Variants in EPHA8 observed in about 807,000 individuals in gnomAD.
EPHA8 encodes the protein ephrin type-A receptor 8.
EPHA8 carries 58 observed loss-of-function variants against 103.6 expected under a neutral mutation model. The observed-to-expected ratio is 0.56, with a 90% CI of 0.45 to 0.70. EPHA8 has a LOEUF of 0.70. Ranked by LOEUF, EPHA8 falls within the 30% of genes least tolerant of loss-of-function variation. The probability of loss-of-function intolerance (pLI) is 0.00; values close to 1 mark genes in which losing one functional copy is unlikely to be tolerated. For missense variants in EPHA8, 1,304 were observed against 1,395.2 expected (o/e 0.93, Z 1.04); for synonymous variants, 559 against 572.5 (o/e 0.98, Z 0.34).
In EPHA8 at chr1:22,600,213, GT is replaced by G. The variant is rs1288117589; in HGVS notation, c.2389-447del. The stretch of plus-strand genomic sequence containing the variant: ...GGAAGGAAAGGAGGGAGGGAGGAAG[GT>G]GGGAGGGAAAGAAGAAAGGAGGGAA... On this transcript the variant is annotated intron_variant, in intron 13 of 16. Coordinates refer to ENST00000166244, the MANE Select transcript of EPHA8 (RefSeq NM_020526.5). Among the ~76,000 whole-genome samples the G allele has an allele frequency of 7.4e-4, 100 of 134,464 alleles. 2 individuals carry two copies. Among genetic ancestry groups the G allele is most frequent in the Non-Finnish European group, 1.3e-3 (83 of 61,878 alleles). The allele number at this position is 134,464 out of a possible 152,430, so 88.2% of individuals were successfully genotyped here.
In EPHA8 at chr1:22,589,109, G is replaced by A; in HGVS notation, c.1218G>A (p.Met406Ile). ...TGGTGGCCAACCTGCTGGCCCACAT[G>A]AACTACTCCTTCTGGATCGAGGCCG... ...SLLVANLLAH[M>I]NYSFWIEAVN... The change falls in exon 5 of 17, where the codon ATG becomes ATA. Residue 406 changes from methionine to isoleucine, a missense_variant. By Grantham distance (10) the Met-to-Ile change is conservative. Transcript: ENST00000166244. This position sits in a 1 kb window ranked among gnomAD's most constrained non-coding sequence, Gnocchi z 4.3. The A allele has an allele frequency of 1.2e-6, 2 of 1,613,792 alleles. No homozygotes were observed. Among genetic ancestry groups the A allele is most frequent in the African/African-American group, 1.3e-5 (1 of 75,070 alleles).
rs1341758854 is a variant in EPHA8, at chr1:22,576,057, G to A, written c.160-160G>A. On this transcript the variant is annotated intron_variant, in intron 2 of 16. Transcript: ENST00000166244. The surrounding 1 kb of genome is among the most constrained non-coding windows in gnomAD (Gnocchi z 4.8). ...TCCCCTGAAGATCGTGGCCCTCTTC[G>A]AGATCATGTCTGCAGGGGGCCTGGC... 6.6e-6 allele frequency among the ~76,000 whole-genome samples: 1 copy of A among 151,440 alleles called. No individual in the cohort carries two copies.
chr1:22,586,641 T>G lies in EPHA8; in HGVS notation c.979+6T>G. 1.2e-6 allele frequency: 2 copies of G among 1,613,372 alleles called. No homozygotes were observed. Among genetic ancestry groups the G allele is most frequent in the Non-Finnish European group, 1.7e-6 (2 of 1,179,602 alleles). On this transcript the variant is annotated splice_donor_region_variant and intron_variant, in intron 4 of 16. Transcript: ENST00000166244. ...GCCGTCCTCAGCCTGCACCCGTGAGTACCACTCCGAGATGCCAGTACCCTT... is the reference window on the plus strand; with the variant it reads ...GCCGTCCTCAGCCTGCACCCGTGAGGACCACTCCGAGATGCCAGTACCCTT...
chr1:22,597,238 TCC>T lies in EPHA8; in HGVS notation c.1766-72_1766-71del. The T allele has an allele frequency of 2.6e-6, 3 of 1,155,902 alleles. No individual in the cohort carries two copies. Among genetic ancestry groups the T allele is most frequent in the Non-Finnish European group, 3.7e-6 (3 of 816,050 alleles). 71.6% of individuals were successfully genotyped at this position (1,155,902 alleles called of 1,614,324 possible). On this transcript the variant is annotated intron_variant, in intron 9 of 16. Coordinates refer to ENST00000166244, the MANE Select transcript of EPHA8 (RefSeq NM_020526.5). The surrounding 1 kb of genome is among the most constrained non-coding windows in gnomAD (Gnocchi z 4.6). ...CACCCCTCACCCCACCCCAGACCCATCCCAGGCCCAGGGAATGTCAGGAAAAA... is the reference window on the plus strand; with the variant it reads ...CACCCCTCACCCCACCCCAGACCCATCAGGCCCAGGGAATGTCAGGAAAAA...
In EPHA8 at chr1:22,598,829, C is replaced by T. The variant is rs751271695; in HGVS notation, c.2179-9C>T. Reference sequence around the variant, plus strand: ...GCTTTCCTGAAGTCCAAGCCATGTCCCCCTGCAGACCCACGACGGGCAGTT... The same window carrying T: ...GCTTTCCTGAAGTCCAAGCCATGTCTCCCTGCAGACCCACGACGGGCAGTT... On this transcript the variant is annotated splice_polypyrimidine_tract_variant and intron_variant, in intron 12 of 16. Coordinates refer to ENST00000166244, the MANE Select transcript of EPHA8 (RefSeq NM_020526.5). The surrounding 1 kb of genome is among the most constrained non-coding windows in gnomAD (Gnocchi z 5.1). The T allele has an allele frequency of 6.8e-6, 11 of 1,611,486 alleles. No individual in the cohort carries two copies. Among genetic ancestry groups the T allele is most frequent in the East Asian group, 2.2e-5 (1 of 44,774 alleles).
Position 22,596,115 on chromosome 1 carries a change from C to T in EPHA8, c.1707C>T (p.Gly569=). ...GTGCCCTCCTCTGCAGGCACTGTGG[C>T]TACAGCAAGGCCTTCCAGGACTCGG... ...LLLICKKRHC[G]YSKAFQDSDE... is the part of the protein sequence containing the mutation. Residue 569 remains glycine (G), a synonymous_variant, in exon 9 of 17, where the codon GGC becomes GGT. Coordinates refer to ENST00000166244, the MANE Select transcript of EPHA8 (RefSeq NM_020526.5). The T allele has an allele frequency of 6.2e-7, 1 of 1,613,912 alleles. No individual in the cohort carries two copies. The highest frequency in any genetic ancestry group is 8.5e-7 in the Non-Finnish European group (1 of 1,179,974).
rs111673441 is a variant in EPHA8, at chr1:22,580,129, T to C, written c.823+3249T>C. ...GCTCTCTGGTTTTCTTTCTTTCTCT[T>C]TTTTTTTTTTTTTTTTTTTTTTTTT... is the stretch of plus-strand genomic sequence containing the variant. On this transcript the variant is annotated intron_variant, in intron 3 of 16. Coordinates refer to ENST00000166244, the MANE Select transcript of EPHA8 (RefSeq NM_020526.5). Among the ~76,000 whole-genome samples, 103 of 23,474 alleles carry C rather than the reference T, an allele frequency of 4.4e-3. 2 individuals are homozygous for C. The highest frequency in any genetic ancestry group is 0.017 in the African/African-American group (89 of 5,098). 15.4% of individuals were successfully genotyped at this position (23,474 alleles called of 152,430 possible).
chr1:22,583,485 C>G (rs772343828), intron 3 of EPHA8, among the ~76,000 whole-genome samples: 6 of 152,174 alleles, frequency 3.9e-5, no homozygotes, highest in Non-Finnish European at 8.8e-5. Flanking sequence ...GAGGCTCCCC[C>G]GCCTGACTGC....
intron 2 of EPHA8, among the ~76,000 whole-genome samples, chr1:22,571,775 C>T (rs533300105): frequency 6.6e-6 from 1 of 152,292 alleles, no homozygotes; most frequent in East Asian, 1.9e-4. Flanking sequence ...GGGAGCCAGG[C>T]ATGGTGGCTC....
chr1:22,601,515 AG>A (rs113696995), intron 16 of EPHA8, 42 bp downstream of exon 16: 24,469 of 846,582 alleles, frequency 0.029, 37 homozygotes, highest in Admixed American at 0.031. Flanking sequence ...GTGTGGGGGC[AG>A]GGGGGGGGAC....
chr1:22,584,622 G>T (rs1017471803), intron 3 of EPHA8, among the ~76,000 whole-genome samples: 3 of 152,178 alleles, frequency 2.0e-5, no homozygotes, highest in African/African-American at 4.8e-5. Flanking sequence ...CAGGCACTGA[G>T]TTTTCCAGAA....
intron 3 of EPHA8, among the ~76,000 whole-genome samples, chr1:22,579,358 TGTGTATGTGTGCATGA>T (rs1034394145): frequency 3.4e-5 from 5 of 148,170 alleles, no homozygotes; most frequent in Admixed American, 6.6e-5. Flanking sequence ...TGTATGCGTG[TGTGTATGTGTGCATGA>T]GTGTATGTGT....
intron 3 of EPHA8, among the ~76,000 whole-genome samples, chr1:22,582,233 C>G (rs945098539): frequency 2.0e-5 from 3 of 152,244 alleles, no homozygotes; most frequent in Non-Finnish European, 4.4e-5. Flanking sequence ...GGGCAGTTCT[C>G]TCAGCAAACA....
intron 5 of EPHA8, among the ~76,000 whole-genome samples, chr1:22,590,619 T>A (rs1641346992): frequency 6.6e-6 from 1 of 152,112 alleles, no homozygotes; most frequent in South Asian, 2.1e-4. Context: ...TCCCTCTCTG[T>A]CTTTGTAGCC....
rs759290524 is a variant in EPHA8, at chr1:22,596,176, G to A, written c.1765+3G>A. The stretch of plus-strand genomic sequence containing the variant: ...GATGCACTATCAGAATGGACAGGGT[G>A]AGTGCAGGGGCCCGGTGGTCTGGGG... On this transcript the variant is annotated splice_donor_region_variant and intron_variant, in intron 9 of 16. Coordinates refer to ENST00000166244, the MANE Select transcript of EPHA8 (RefSeq NM_020526.5). The A allele has an allele frequency of 5.6e-6, 9 of 1,613,752 alleles. No individual in the cohort carries two copies. The South Asian group carries it at 7.7e-5, about 14-fold the overall frequency.
intron 3 of EPHA8, among the ~76,000 whole-genome samples, chr1:22,584,272 A>G (rs1388343420): frequency 1.3e-5 from 2 of 152,200 alleles, no homozygotes; most frequent in Non-Finnish European, 2.9e-5. Flanking sequence ...ACAGTGTGTC[A>G]GTCAAGACTC....
At chr1:22,593,156 G>A (rs550522295) in intron 5 of EPHA8, among the ~76,000 whole-genome samples, 170 bp from the exon 6 acceptor site, 1 of 152,316 alleles carries the variant, frequency 6.6e-6, no homozygotes, top group South Asian at 2.1e-4. Flanking sequence ...GTGGCCACCA[G>A]CGATTTGTTG....
At chr1:22,577,129 G>T (rs1640731200) in intron 3 of EPHA8, among the ~76,000 whole-genome samples, 1 of 152,198 alleles carries the variant, frequency 6.6e-6, no homozygotes, top group African/African-American at 2.4e-5. Flanking sequence ...CCCCAGCGAG[G>T]CGGTGCCTTC....
rs1404152252 is a variant in EPHA8, at chr1:22,567,241, C to T, written c.95-2048C>T. Among the ~76,000 whole-genome samples, 6 of 152,108 alleles carry T rather than the reference C, an allele frequency of 3.9e-5. No individual in the cohort carries two copies. Among genetic ancestry groups the T allele is most frequent in the Non-Finnish European group, 4.4e-5 (3 of 67,998 alleles). ...CACCCCGAGACCTGTGTCTGGGATG[C>T]GGGGTGGGGCGGGGGGACCCATACG... On this transcript the variant is annotated intron_variant, in intron 1 of 16. Coordinates refer to ENST00000166244, the MANE Select transcript of EPHA8 (RefSeq NM_020526.5). This position sits in a 1 kb window ranked among gnomAD's most constrained non-coding sequence, Gnocchi z 4.2.
Sources: gnomAD v4.1 joint callset for allele counts (sites outside exome capture counted in the v4.1 genomes callset) on GRCh38, gnomAD v4.1.1 for gene constraint, Gnocchi (gnomAD v3.1) non-coding constraint, MANE v1.5 for transcripts, NCBI Gene and HGNC (gene_info 2026-07-23, HGNC 2026-07-21) for gene names.